ASH2L: variants seen among roughly 807,000 people sequenced by gnomAD.
ASH2L encodes set1/Ash2 histone methyltransferase complex subunit ASH2.
In ASH2L, 30 loss-of-function variants were observed where a neutral mutation model predicts 81.1. The ratio of observed to expected loss-of-function variants is 0.37; its 90% CI spans 0.28 to 0.50. The LOEUF (loss-of-function observed/expected upper bound fraction) is 0.50. ASH2L is among the 20% of genes least tolerant of loss of function. The pLI is 0.95. For missense variants in ASH2L, 559 were observed against 792.1 expected (o/e 0.71, Z 3.53); for synonymous variants, 273 against 279.9 (o/e 0.98, Z 0.24).
At chr8:38,134,352 A>G (rs1257348735) in intron 13 of ASH2L, among the ~76,000 whole-genome samples, 4 of 152,086 alleles carry the variant, frequency 2.6e-5, no homozygotes, top group Non-Finnish European at 4.4e-5. Context: ...CTGTTGGGAA[A>G]TCTACAAGAG....
At chr8:38,136,730 G>A (rs1355554653) in intron 14 of ASH2L, among the ~76,000 whole-genome samples, 4 of 150,386 alleles carry the variant, frequency 2.7e-5, no homozygotes, top group South Asian at 2.1e-4. Context: ...AGCTGAGGTC[G>A]TGCCACTACT....
chr8:38,123,739 A>C (rs544947816), intron 10 of ASH2L, among the ~76,000 whole-genome samples: 6 of 151,918 alleles, frequency 3.9e-5, no homozygotes, highest in African/African-American at 1.4e-4. Context: ...TCTTTTTTCC[A>C]CCATCTTCCC....
intron 4 of ASH2L, 131 bp from the exon 5 acceptor site, chr8:38,110,608 C>T: frequency 9.0e-7 from 1 of 1,116,172 alleles, no homozygotes; most frequent in Non-Finnish European, 1.3e-6. Flanking sequence ...TTGCAATTGC[C>T]CATTTCAGGT....
chr8:38,137,978 A>C (rs1802333053), intron 14 of ASH2L: 1 of 152,176 alleles, frequency 6.6e-6, no homozygotes, highest in South Asian at 2.1e-4. Flanking sequence ...AGGGCTTAAA[A>C]GTTTTAAAAA....
In ASH2L at chr8:38,134,145, C is replaced by T. The variant is rs367621302; in HGVS notation, c.1620+599C>T. On this transcript the variant is annotated intron_variant, in intron 13 of 15. Transcript: ENST00000343823. Reference sequence around the variant, plus strand: ...GCAGCATGCTCGTTAAGAGTCATCACCACTCCCTAATCTCAAGTACCCAGG... The same window carrying T: ...GCAGCATGCTCGTTAAGAGTCATCATCACTCCCTAATCTCAAGTACCCAGG... Among the ~76,000 whole-genome samples, 239 of 152,214 alleles carry T rather than the reference C, an allele frequency of 1.6e-3. 1 individual carries two copies. Among genetic ancestry groups the T allele is most frequent in the Middle Eastern group, 6.8e-3 (2 of 294 alleles).
chr8:38,121,309 T>G (rs1262540343), intron 10 of ASH2L, among the ~76,000 whole-genome samples, 160 bp downstream of exon 10: 1 of 143,044 alleles, frequency 7.0e-6, no homozygotes, highest in African/African-American at 2.6e-5. Context: ...TTCTGTTCCT[T>G]CCTATAAGCT....
chr8:38,114,778 G>A (rs1003135325), intron 6 of ASH2L, 127 bp from the exon 7 acceptor site: 1 of 631,596 alleles, frequency 1.6e-6, no homozygotes, highest in Non-Finnish European at 2.8e-6. Context: ...TTCTTAGAAG[G>A]AAAAACGATA....
chr8:38,109,604 A>C (rs901116811), intron 3 of ASH2L, among the ~76,000 whole-genome samples: 1 of 152,132 alleles, frequency 6.6e-6, no homozygotes, highest in Non-Finnish European at 1.5e-5. Flanking sequence ...CGTCTCTGCC[A>C]TATTGTCTTT....
Position 38,116,501 on chromosome 8 carries a change from A to G in ASH2L, c.778-149A>G, listed in dbSNP as rs1467937662. 30 of 662,552 alleles carry G rather than the reference A, an allele frequency of 4.5e-5. No homozygotes were observed. The Admixed American group carries it at 7.5e-4, about 17-fold the overall frequency. 41.0% of individuals were successfully genotyped at this position (662,552 alleles called of 1,614,324 possible). A position where few individuals can be genotyped will look rare whatever the true frequency, so the allele number is the denominator to read the frequency against. On this transcript the variant is annotated intron_variant, in intron 7 of 15. Transcript: ENST00000343823. Reference sequence around the variant, plus strand: ...TAAGCCGAGATCGCGCCACTGTACTACAGACTGGGCAATAGAGTAAGGCCC... The same window carrying G: ...TAAGCCGAGATCGCGCCACTGTACTGCAGACTGGGCAATAGAGTAAGGCCC...
At chr8:38,131,819 T>C (rs1802069839) in intron 12 of ASH2L, among the ~76,000 whole-genome samples, 1 of 151,846 alleles carries the variant, frequency 6.6e-6, no homozygotes, top group African/African-American at 2.4e-5. Context: ...TTGTATGGCT[T>C]TTTGGGCTTT....
intron 14 of ASH2L, 105 bp from the exon 15 acceptor site, chr8:38,138,711 G>C: frequency 1.1e-6 from 1 of 894,344 alleles, no homozygotes; most frequent in Non-Finnish European, 1.8e-6. Context: ...TTTATCCCCC[G>C]AGTATTGTAG....
At chr8:38,105,989 C>G in intron 1 of ASH2L, 1 of 1,530,880 alleles carries the variant, frequency 6.5e-7, no homozygotes, top group Non-Finnish European at 8.7e-7. Flanking sequence ...TGGCAGGAAG[C>G]TGGTAGCTCA....
In ASH2L at chr8:38,121,338, TATATATATATATATATATATATATATA is replaced by T. The variant is rs1811139215; in HGVS notation, c.1165+190_1165+216del. On this transcript the variant is annotated intron_variant, in intron 10 of 15. Transcript: ENST00000343823. ...ATAAGCTCCAGCCGTTTTATTTATA[TATATATATATATATATATATATATATA>T]TATATATATATATGGTTTTTTAAAA... Among the ~76,000 whole-genome samples, 6 of 112,908 alleles carry T rather than the reference TATATATATATATATATATATATATATA, an allele frequency of 5.3e-5. 1 individual carries two copies. The highest frequency in any genetic ancestry group is 7.0e-5 in the Non-Finnish European group (4 of 57,132). The allele number at this position is 112,908 out of a possible 152,430, so 74.1% of individuals were successfully genotyped here. A position where few individuals can be genotyped will look rare whatever the true frequency, so the allele number is the denominator to read the frequency against.
chr8:38,115,103 A>G (rs769047307), intron 7 of ASH2L, 103 bp downstream of exon 7: 1 of 745,704 alleles, frequency 1.3e-6, no homozygotes, highest in Admixed American at 2.2e-5. Context: ...ACACACTGCC[A>G]TTATATGCAC....
At chr8:38,122,380 A>G (rs1156305544) in intron 10 of ASH2L, 1 of 152,216 alleles carries the variant, frequency 6.6e-6, no homozygotes, top group Non-Finnish European at 1.5e-5. Flanking sequence ...CTAGGTGCTC[A>G]CTTCCATATA....
chr8:38,138,399 A>C (rs1802353598), intron 14 of ASH2L: 1 of 166,148 alleles, frequency 6.0e-6, no homozygotes, highest in Non-Finnish European at 1.3e-5. Flanking sequence ...TTATGTATTC[A>C]TCTCATGCCC....
chr8:38,105,766 C>A lies in ASH2L; in HGVS notation c.188+28C>A, dbSNP rs779596196. The A allele has an allele frequency of 8.0e-6, 12 of 1,501,232 alleles. No individual in the cohort carries two copies. In the Admixed American group the frequency reaches 2.6e-4, roughly 32 times the overall value. 93.0% of individuals were successfully genotyped at this position (1,501,232 alleles called of 1,614,324 possible). A position where few individuals can be genotyped will look rare whatever the true frequency, so the allele number is the denominator to read the frequency against. Reference sequence around the variant, plus strand: ...AAGAGGTCCTGCCGCCCGAGGAAGACGCGGGAGGGAGGCCCGCCCCTCGCG... The same window carrying A: ...AAGAGGTCCTGCCGCCCGAGGAAGAAGCGGGAGGGAGGCCCGCCCCTCGCG... On this transcript the variant is annotated intron_variant, in intron 1 of 15. Coordinates refer to ENST00000343823, the MANE Select transcript of ASH2L (RefSeq NM_004674.5).
At chr8:38,116,788 A>G in intron 8 of ASH2L, 63 bp downstream of exon 8, 1 of 1,398,664 alleles carries the variant, frequency 7.1e-7, no homozygotes, top group Non-Finnish European at 9.9e-7. Flanking sequence ...TTGTGCCTAG[A>G]ACTGGCCATT....
intron 1 of ASH2L, 114 bp downstream of exon 1, chr8:38,105,852 T>A: frequency 7.0e-7 from 1 of 1,433,482 alleles, no homozygotes; most frequent in Non-Finnish European, 9.1e-7. Context: ...CCGCCGCCAA[T>A]GGCTCGCCCT....
Sources: allele counts gnomAD v4.1 joint callset (sites outside exome capture counted in the v4.1 genomes callset), GRCh38; gene constraint gnomAD v4.1.1; transcripts MANE v1.5; gene names NCBI Gene and HGNC (gene_info 2026-07-23, HGNC 2026-07-21).